PRAMEF27: variants seen among roughly 807,000 people sequenced by gnomAD.
PRAMEF27 encodes the protein PRAME family member 27.
A neutral mutation model predicts 21.0 loss-of-function variants in PRAMEF27; 5 were observed. That is an observed-to-expected ratio of 0.24 (90% CI 0.12 to 0.50). The LOEUF (loss-of-function observed/expected upper bound fraction) is 0.50, where lower values mean the gene tolerates loss of function less well. Among genes scored for constraint, PRAMEF27 ranks in the 20% least tolerant of loss-of-function variants. The probability of loss-of-function intolerance (pLI) is 0.98; values close to 1 mark genes in which losing one functional copy is unlikely to be tolerated. For synonymous variants in PRAMEF27, 61 were observed against 211.2 expected, an observed-to-expected ratio of 0.29 and a Z score of 6.17; for missense variants, 138 against 541.4, an observed-to-expected ratio of 0.25 and a Z score of 7.39.
At chr1:13,055,539 T>G (rs1351538946) in intron 1 of PRAMEF27, 5 of 139,960 alleles carry the variant, frequency 3.6e-5, no homozygotes, top group African/African-American at 1.2e-4. Flanking sequence ...TAGCTGGGAC[T>G]ACAGGCAGGC....
At chr1:13,055,706 C>T (rs1642239796) in intron 1 of PRAMEF27, 1 of 148,216 alleles carries the variant, frequency 6.7e-6, no homozygotes, top group African/African-American at 2.6e-5. Flanking sequence ...GCATAGCTCA[C>T]TGCAGCCTCA....
chr1:13,056,275 C>G (rs1473832317), intron 1 of PRAMEF27, 139 bp downstream of exon 1: 3 of 118,262 alleles, frequency 2.5e-5, no homozygotes, highest in Admixed American at 2.3e-4. Flanking sequence ...GGAAAAAATT[C>G]AAAGCTTCAA....
At position 13,050,487 on chromosome 1, in the gene PRAMEF27, G is replaced by A. The variant is rs1459377821; in HGVS notation, c.876-118C>T. On this transcript the variant is annotated intron_variant, in intron 3 of 3. Coordinates refer to ENST00000436041, the MANE Select transcript of PRAMEF27 (RefSeq NM_001300891.2). Reference sequence around the variant, plus strand: ...TTTTGCCCAAGTCCAGGGTCATTCTGATGGCCTGATGGTCAACACTTAGAA... The same window carrying A: ...TTTTGCCCAAGTCCAGGGTCATTCTAATGGCCTGATGGTCAACACTTAGAA... 3.0e-4 allele frequency: 378 copies of A among 1,275,138 alleles called. 11 individuals carry two copies. Among genetic ancestry groups the A allele is most frequent in the Non-Finnish European group, 3.9e-4 (364 of 940,844 alleles). The allele number at this position is 1,275,138 out of a possible 1,614,324, so 79.0% of individuals were successfully genotyped here.
chr1:13,055,286 A>G (rs1328869813), intron 1 of PRAMEF27: 1 of 14,144 alleles, frequency 7.1e-5, no homozygotes, highest in African/African-American at 5.0e-4. Flanking sequence ...GCCACATCAA[A>G]TTTATCAAAA....
intron 1 of PRAMEF27, 25 bp from the exon 2 acceptor site, chr1:13,053,700 A>G (rs2100238600): frequency 1.3e-6 from 2 of 1,586,892 alleles, no homozygotes; most frequent in East Asian, 4.5e-5. Flanking sequence ...ACCCAGAGAA[A>G]AGGCATCACT....
intron 3 of PRAMEF27, 192 bp from the exon 4 acceptor site, chr1:13,050,561 C>G: frequency 1.6e-6 from 1 of 623,800 alleles, no homozygotes; most frequent in East Asian, 2.8e-5. Context: ...CACCTTAGAG[C>G]CGGCCCAGTA....
chr1:13,056,396 C>G lies in PRAMEF27; in HGVS notation c.-17+18G>C, dbSNP rs1476918799. On this transcript the variant is annotated intron_variant, in intron 1 of 3. Transcript: ENST00000436041. Reference sequence around the variant, plus strand: ...TCTAGGTCAGATGGGAGTGTCCTTACAGAAATTAGTGACTTACCAGATCTG... The same window carrying G: ...TCTAGGTCAGATGGGAGTGTCCTTAGAGAAATTAGTGACTTACCAGATCTG... 9 of 127,704 alleles carry G rather than the reference C, an allele frequency of 7.0e-5. No individual in the cohort carries two copies. The highest frequency in any genetic ancestry group is 2.1e-4 in the East Asian group (1 of 4,736). The allele number at this position is 127,704 out of a possible 1,614,324, so 7.9% of individuals were successfully genotyped here.
rs1642247450 is a variant in PRAMEF27 at position 13,056,411 on chromosome 1, T to G, written c.-17+3A>C. 1 of 128,390 alleles carries G rather than the reference T, an allele frequency of 7.8e-6. No homozygotes were observed. The highest frequency in any genetic ancestry group is 1.5e-5 in the Non-Finnish European group (1 of 65,778). 8.0% of individuals were successfully genotyped at this position (128,390 alleles called of 1,614,324 possible). ...AGTGTCCTTACAGAAATTAGTGACTTACCAGATCTGGATGTAGTTTAGAAG... is the reference window on the plus strand; with the variant it reads ...AGTGTCCTTACAGAAATTAGTGACTGACCAGATCTGGATGTAGTTTAGAAG... On this transcript the variant is annotated splice_donor_region_variant and intron_variant, in intron 1 of 3. Coordinates refer to ENST00000436041, the MANE Select transcript of PRAMEF27 (RefSeq NM_001300891.2).
At position 13,056,258 on chromosome 1, in the gene PRAMEF27, A is replaced by C. The variant is rs1451077001; in HGVS notation, c.-17+156T>G. 6 of 118,548 alleles carry C rather than the reference A, an allele frequency of 5.1e-5. 1 individual carries two copies. Among genetic ancestry groups the C allele is most frequent in the Non-Finnish European group, 1.6e-5 (1 of 63,800 alleles). The allele number at this position is 118,548 out of a possible 1,614,324, so 7.3% of individuals were successfully genotyped here. A position where few individuals can be genotyped will look rare whatever the true frequency, so the allele number is the denominator to read the frequency against. On this transcript the variant is annotated intron_variant, in intron 1 of 3. Transcript: ENST00000436041. ...TTTTTTGAAATAAAGACAGAACTGC[A>C]TTTAGAGGAAAAAATTCAAAGCTTC...
intron 1 of PRAMEF27, chr1:13,056,155 C>G (rs1423311488): frequency 2.6e-5 from 3 of 117,346 alleles, no homozygotes; most frequent in East Asian, 4.5e-4. Context: ...TTTGGCCTCC[C>G]AAAGTGTTGG....
Position 13,053,773 on chromosome 1 carries a change from T to G in PRAMEF27, c.-16-98A>C, listed in dbSNP as rs1342765459. On this transcript the variant is annotated intron_variant, in intron 1 of 3. Transcript: ENST00000436041. ...GCCAAACTCACTGCTCTGGCAATGG[T>G]GAAACAGCCCTCAGTTTACTCCAAT... 2.1e-6 allele frequency: 3 copies of G among 1,421,518 alleles called. 1 individual carries two copies. The African/African-American group carries it at 9.2e-5, about 44-fold the overall frequency. The allele number at this position is 1,421,518 out of a possible 1,614,324, so 88.1% of individuals were successfully genotyped here. A position where few individuals can be genotyped will look rare whatever the true frequency, so the allele number is the denominator to read the frequency against.
chr1:13,055,775 T>C (rs1642240416), intron 1 of PRAMEF27: 3 of 139,222 alleles, frequency 2.2e-5, no homozygotes, highest in African/African-American at 9.3e-5. Flanking sequence ...GGACTACAGA[T>C]GCATGGTGAC....
At chr1:13,050,478 G>C in intron 3 of PRAMEF27, 109 bp from the exon 4 acceptor site, 1 of 1,258,184 alleles carries the variant, frequency 7.9e-7, no homozygotes, top group Non-Finnish European at 1.1e-6. Context: ...CCAAGTCCAG[G>C]GTCATTCTGA....
Position 13,056,156 on chromosome 1 carries a change from A to G in PRAMEF27, c.-17+258T>C, listed in dbSNP as rs1642244926. 2 of 117,496 alleles carry G rather than the reference A, an allele frequency of 1.7e-5. 1 individual carries two copies. The highest frequency in any genetic ancestry group is 1.5e-4 in the Admixed American group (2 of 13,116). 7.3% of individuals were successfully genotyped at this position (117,496 alleles called of 1,614,324 possible). A position where few individuals can be genotyped will look rare whatever the true frequency, so the allele number is the denominator to read the frequency against. ...AATGATCCTCCCACTTTGGCCTCCC[A>G]AAGTGTTGGGGTTAAAGGCGTGAGT... On this transcript the variant is annotated intron_variant, in intron 1 of 3. Transcript: ENST00000436041.
Position 13,056,097 on chromosome 1 carries a change from T to C in PRAMEF27, c.-17+317A>G, listed in dbSNP as rs1230206509. On this transcript the variant is annotated intron_variant, in intron 1 of 3. Coordinates refer to ENST00000436041, the MANE Select transcript of PRAMEF27 (RefSeq NM_001300891.2). ...GTTGTGTAGAGGAGGGTTTTTGTCA[T>C]GTTGCCCAGGTTGGTCTCAAACCCC... 2.0e-4 allele frequency: 23 copies of C among 117,168 alleles called. 3 individuals carry two copies. The highest frequency in any genetic ancestry group is 1.5e-3 in the Admixed American group (20 of 13,106). 7.3% of individuals were successfully genotyped at this position (117,168 alleles called of 1,614,324 possible).
rs1399821797 is a variant in PRAMEF27 at position 13,049,976 on chromosome 1, A to G, written c.1269T>C (p.Gly423=). The change falls in exon 4 of 4, where the codon GGT becomes GGC. Residue 423 remains glycine (G), a synonymous_variant. Transcript: ENST00000436041. ...EVYPAPRESY[G]ADGTLCWNRF... ...TGTTCCAGCAGAGAGTACCATCAGC[A>G]CCATAACTCTCCCGCGGGGCAGGAT... 6.0e-5 allele frequency: 86 copies of G among 1,432,668 alleles called. 16 individuals are homozygous for G. The highest frequency in any genetic ancestry group is 7.8e-5 in the Non-Finnish European group (85 of 1,087,328). The allele number at this position is 1,432,668 out of a possible 1,614,324, so 88.7% of individuals were successfully genotyped here. A position where few individuals can be genotyped will look rare whatever the true frequency, so the allele number is the denominator to read the frequency against.
chr1:13,051,947 G>GT, intron 3 of PRAMEF27, 171 bp downstream of exon 3: 1 of 646,958 alleles, frequency 1.5e-6, no homozygotes, highest in Admixed American at 3.0e-5. Flanking sequence ...TATTGGGATG[G>GT]TTGCATGATA....
Position 13,056,514 on chromosome 1 carries a change from C to G in PRAMEF27, c.-117G>C. ...GGTCTCTCCTGTGGGTCTTTAGAAGCTTTTATTGACCTTTCTAATCACAAC... is the reference window on the plus strand; with the variant it reads ...GGTCTCTCCTGTGGGTCTTTAGAAGGTTTTATTGACCTTTCTAATCACAAC... On this transcript the variant is annotated 5_prime_UTR_variant, in exon 1 of 4. Coordinates refer to ENST00000436041, the MANE Select transcript of PRAMEF27 (RefSeq NM_001300891.2). The G allele has an allele frequency of 7.8e-6, 1 of 127,392 alleles. No individual in the cohort carries two copies. Among genetic ancestry groups the G allele is most frequent in the Non-Finnish European group, 1.5e-5 (1 of 65,000 alleles). 7.9% of individuals were successfully genotyped at this position (127,392 alleles called of 1,614,324 possible).
intron 1 of PRAMEF27, chr1:13,055,932 A>T: frequency 9.3e-6 from 1 of 107,010 alleles, no homozygotes; most frequent in East Asian, 2.6e-4. Flanking sequence ...GATGTCTGTG[A>T]CACCAGCTTC....
Sources: gnomAD v4.1 joint callset for allele counts on GRCh38, gnomAD v4.1.1 for gene constraint, MANE v1.5 for transcripts, NCBI Gene and HGNC (gene_info 2026-07-23, HGNC 2026-07-21) for gene names.